Variants in ESPNL observed in about 807,000 individuals in gnomAD.
The protein encoded by ESPNL is espin-like protein.
In ESPNL, 49 loss-of-function variants were observed where a neutral mutation model predicts 46.8. That is an observed-to-expected ratio of 1.05 (90% CI 0.83 to 1.33). ESPNL has a LOEUF of 1.33. Among genes scored for constraint, ESPNL ranks in the 40% most tolerant of loss-of-function variants. ESPNL has a pLI of 0.00. For missense variants in ESPNL, 1,540 were observed against 1,436.6 expected (o/e 1.07, Z -1.16); for synonymous variants, 664 against 662.1 (o/e 1.00, Z -0.04).
chr2:238,125,767 T>TTGGAGTGCAGTGGAG (rs1553573704), intron 6 of ESPNL, among the ~76,000 whole-genome samples: 6 of 146,276 alleles, frequency 4.1e-5, no homozygotes, highest in African/African-American at 1.5e-4. Flanking sequence ...TGTGACCAGC[T>TTGGAGTGCAGTGGAG]TGGAGTGGAG....
At chr2:238,129,050 C>G in intron 8 of ESPNL, 146 bp downstream of exon 8, 2 of 1,431,544 alleles carry the variant, frequency 1.4e-6, no homozygotes, top group Non-Finnish European at 1.8e-6. Flanking sequence ...CTGCTTCCGC[C>G]GGAGGATGAA....
chr2:238,118,824 T>C (rs1445578041), intron 5 of ESPNL, among the ~76,000 whole-genome samples: 62 of 84,426 alleles, frequency 7.3e-4, no homozygotes, highest in African/African-American at 1.1e-3. Flanking sequence ...GGAGGAGGAA[T>C]GGATGGAGGA....
rs746296727 is a variant in ESPNL, at chr2:238,133,187, C to T, written c.*1455C>T. The T allele has an allele frequency of 6.6e-6, 1 of 152,254 alleles. No homozygotes were observed. Among genetic ancestry groups the T allele is most frequent in the East Asian group, 1.9e-4 (1 of 5,202 alleles). 9.4% of individuals were successfully genotyped at this position (152,254 alleles called of 1,614,324 possible). A position where few individuals can be genotyped will look rare whatever the true frequency, so the allele number is the denominator to read the frequency against. On this transcript the variant is annotated 3_prime_UTR_variant, in exon 9 of 9. Coordinates refer to ENST00000343063, the MANE Select transcript of ESPNL (RefSeq NM_194312.4). ...AGTGGCTTTTCCACAAGGGCCTATC[C>T]TGCAGCCGGCCCGCTCCGGCTTCCT... is the stretch of plus-strand genomic sequence containing the variant.
Position 238,130,890 on chromosome 2 carries a change from G to T in ESPNL, c.2176G>T (p.Gly726Cys). Residue 726 changes from glycine (G) to cysteine (C), a missense_variant, in exon 9 of 9, where the codon GGT (glycine) becomes TGT (cysteine). Coordinates refer to ENST00000343063, the MANE Select transcript of ESPNL (RefSeq NM_194312.4). ...CTGCGAGGAGGTGCCATCAGAGGCG[G>T]GTGCCGCAGCCGGCCCAGACCTGGC... ...ISCEEVPSEA[G>C]AAAGPDLASL... is the part of the protein sequence containing the mutation. The T allele has an allele frequency of 6.5e-7, 1 of 1,547,680 alleles. No individual in the cohort carries two copies. Among genetic ancestry groups the T allele is most frequent in the Non-Finnish European group, 8.7e-7 (1 of 1,146,648 alleles).
intron 5 of ESPNL, among the ~76,000 whole-genome samples, chr2:238,124,051 C>T (rs1692044699): frequency 6.6e-6 from 1 of 152,222 alleles, no homozygotes; most frequent in African/African-American, 2.4e-5. Flanking sequence ...AAAATGGGGG[C>T]CCTGCATTCG....
chr2:238,127,739 G>A lies in ESPNL; in HGVS notation c.1215+5G>A, dbSNP rs372498854. 2.5e-6 allele frequency: 4 copies of A among 1,601,368 alleles called. No individual in the cohort carries two copies. Among genetic ancestry groups the A allele is most frequent in the African/African-American group, 2.7e-5 (2 of 74,698 alleles). ...AGTGCCACGGCTGACCCCGAGGTTC[G>A]TCCTCCACCCCTGCATTCCTGTCTC... On this transcript the variant is annotated splice_donor_5th_base_variant and intron_variant, in intron 7 of 8. Transcript: ENST00000343063.
intron 4 of ESPNL, among the ~76,000 whole-genome samples, chr2:238,110,949 C>CTTTTT (rs5839686): frequency 0.01 from 1,129 of 110,966 alleles, 3 homozygotes; most frequent in Non-Finnish European, 0.016. Context: ...ATTAGTTATT[C>CTTTTT]TTTTTTTTTT....
rs11695472 is a variant in ESPNL, at chr2:238,132,067, C to A, written c.*335C>A. ...TTGTCCTTCCCCAGTGTCACCAGTT[C>A]CCTTGGCGTCCTGTCCCTCAGTTTC... On this transcript the variant is annotated 3_prime_UTR_variant, in exon 9 of 9. Coordinates refer to ENST00000343063, the MANE Select transcript of ESPNL (RefSeq NM_194312.4). The A allele has an allele frequency of 0.79, 186,693 of 237,672 alleles. 74,235 individuals are homozygous for A. Among genetic ancestry groups the A allele is most frequent in the African/African-American group, 0.94 (41,432 of 44,018 alleles). The allele number at this position is 237,672 out of a possible 1,614,324, so 14.7% of individuals were successfully genotyped here. A position where few individuals can be genotyped will look rare whatever the true frequency, so the allele number is the denominator to read the frequency against.
At position 238,130,355 on chromosome 2, in the gene ESPNL, C is replaced by T; in HGVS notation, c.1641C>T (p.Ser547=). The T allele has an allele frequency of 6.2e-7, 1 of 1,610,200 alleles. No homozygotes were observed. The highest frequency in any genetic ancestry group is 8.5e-7 in the Non-Finnish European group (1 of 1,178,878). ...CCCTGCTGCCCGAGCCCCTGGTCAG[C>T]ATCACGGTCAACAGCCACTTCCTGC... The part of the protein sequence containing the change: ...LQALLPEPLV[S]ITVNSHFLPR... The change falls in exon 9 of 9, where the codon AGC becomes AGT. Residue 547 remains serine, a synonymous_variant. Transcript: ENST00000343063.
intron 7 of ESPNL, among the ~76,000 whole-genome samples, 173 bp from the exon 8 acceptor site, chr2:238,128,534 T>G (rs539685157): frequency 1.3e-5 from 2 of 152,222 alleles, no homozygotes; most frequent in African/African-American, 4.8e-5. Flanking sequence ...GCCTCACTCT[T>G]AAGCTGGGGA....
chr2:238,102,730 C>A (rs1420615150), intron 2 of ESPNL, among the ~76,000 whole-genome samples: 1 of 152,216 alleles, frequency 6.6e-6, no homozygotes, highest in Admixed American at 6.5e-5. Context: ...CACCTGGAAG[C>A]TCCTCCAGTC....
chr2:238,104,916 G>C, intron 3 of ESPNL, 74 bp downstream of exon 3: 3 of 1,287,536 alleles, frequency 2.3e-6, no homozygotes, highest in South Asian at 1.6e-5. Flanking sequence ...CCTGGAGCCT[G>C]GATGGGGGCT....
chr2:238,104,873 A>T, intron 3 of ESPNL, 31 bp downstream of exon 3: 1 of 1,436,450 alleles, frequency 7.0e-7, no homozygotes, highest in African/African-American at 1.4e-5. Context: ...GGAAGGGGAC[A>T]TCCAGGGAGT....
At chr2:238,107,274 C>T (rs1034746409) in intron 3 of ESPNL, among the ~76,000 whole-genome samples, 13 of 152,326 alleles carry the variant, frequency 8.5e-5, no homozygotes, top group African/African-American at 2.9e-4. Context: ...GGCCTCAAGT[C>T]GCTCCAGCGG....
At chr2:238,113,712 C>G (rs991898248) in intron 4 of ESPNL, among the ~76,000 whole-genome samples, 1 of 152,198 alleles carries the variant, frequency 6.6e-6, no homozygotes, top group East Asian at 1.9e-4. Context: ...AGGGGCCTGG[C>G]TGGCGTCTGG....
In ESPNL at chr2:238,118,396, GGAA is replaced by G. The variant is rs1382214743; in HGVS notation, c.987+1365_987+1367del. Among the ~76,000 whole-genome samples the G allele has an allele frequency of 7.4e-4, 57 of 76,526 alleles. 5 individuals carry two copies. The highest frequency in any genetic ancestry group is 1.4e-3 in the African/African-American group (13 of 9,182). The allele number at this position is 76,526 out of a possible 152,430, so 50.2% of individuals were successfully genotyped here. On this transcript the variant is annotated intron_variant, in intron 5 of 8. Coordinates refer to ENST00000343063, the MANE Select transcript of ESPNL (RefSeq NM_194312.4). Reference sequence around the variant, plus strand: ...AGGAGGTGGATGGAGAAGGGTGGATGGAAGAGGGTGGACGGAGGAGGGTGGATG... The same window carrying G: ...AGGAGGTGGATGGAGAAGGGTGGATGGAGGGTGGACGGAGGAGGGTGGATG...
At chr2:238,115,026 C>T (rs752554962) in intron 4 of ESPNL, among the ~76,000 whole-genome samples, 4 of 152,206 alleles carry the variant, frequency 2.6e-5, no homozygotes, top group Non-Finnish European at 4.4e-5. Flanking sequence ...AGCCCTGTGG[C>T]TCTGCGGTTC....
At position 238,131,277 on chromosome 2, in the gene ESPNL, C is replaced by A; in HGVS notation, c.2563C>A (p.Leu855Met). ...TCCGGTGCCCTACAGCAGCCTCTCA[C>A]TGGATCTCTTCATGCTGGGTTACTT... ...GAPVPYSSLS[L>M]DLFMLGYFQL... The change falls in exon 9 of 9, where the codon CTG becomes ATG. Residue 855 changes from leucine to methionine, a missense_variant. Transcript: ENST00000343063. 6.3e-7 allele frequency: 1 copy of A among 1,580,220 alleles called. No individual in the cohort carries two copies. The highest frequency in any genetic ancestry group is 1.8e-5 in the Admixed American group (1 of 55,282).
intron 5 of ESPNL, among the ~76,000 whole-genome samples, chr2:238,124,463 T>G (rs1187682787): frequency 6.6e-6 from 1 of 152,152 alleles, no homozygotes; most frequent in Non-Finnish European, 1.5e-5. Context: ...CCCAAGACAC[T>G]GACAGGCCCC....
Sources: allele counts gnomAD v4.1 joint callset (sites outside exome capture counted in the v4.1 genomes callset), GRCh38; gene constraint gnomAD v4.1.1; transcripts MANE v1.5; gene names NCBI Gene and HGNC (gene_info 2026-07-23, HGNC 2026-07-21).